The following UBA2 variants were observed in gnomAD, a reference collection of about 807,000 sequenced individuals.
UBA2 encodes the protein SUMO-activating enzyme subunit 2.
UBA2 carries 11 observed loss-of-function variants against 77.2 expected under a neutral mutation model. The ratio of observed to expected loss-of-function variants is 0.14; its 90% CI spans 0.09 to 0.24. UBA2 has a LOEUF of 0.24. Ranked by LOEUF, UBA2 falls within the 10% of genes least tolerant of loss-of-function variation. The pLI, the probability that UBA2 is intolerant of heterozygous loss-of-function variation, is 1.00. For missense variants in UBA2, 487 were observed against 781.7 expected (o/e 0.62, Z 4.50); for synonymous variants, 278 against 276.7 (o/e 1.00, Z -0.05).
Position 34,436,772 on chromosome 19 carries a change from T to A in UBA2, c.459+1804T>A, listed in dbSNP as rs117897631. Among the ~76,000 whole-genome samples, 1,306 of 152,372 alleles carry A rather than the reference T, an allele frequency of 8.6e-3. 10 individuals are homozygous for A. Among genetic ancestry groups the A allele is most frequent in the Middle Eastern group, 0.014 (4 of 294 alleles). ...TTAACATTTGCTGGTTGCGTCTAAT[T>A]TTTTTTGGCAGCTTATTCATGTTAG... On this transcript the variant is annotated intron_variant, in intron 5 of 16. Coordinates refer to ENST00000246548, the MANE Select transcript of UBA2 (RefSeq NM_005499.3).
At chr19:34,428,737 A>T in intron 1 of UBA2, 167 bp downstream of exon 1, 1 of 1,146,778 alleles carries the variant, frequency 8.7e-7, no homozygotes, top group Non-Finnish European at 1.1e-6. Context: ...CCGCGGGAGG[A>T]GACTGTTCTT....
intron 13 of UBA2, among the ~76,000 whole-genome samples, chr19:34,459,358 G>A (rs1423377872): frequency 6.6e-6 from 1 of 152,178 alleles, no homozygotes; most frequent in Non-Finnish European, 1.5e-5. Context: ...GTATTAAAGG[G>A]TATAAGTAAC....
At chr19:34,441,948 A>G (rs2075374778) in intron 6 of UBA2, among the ~76,000 whole-genome samples, 1 of 149,770 alleles carries the variant, frequency 6.7e-6, no homozygotes, top group African/African-American at 2.4e-5. Flanking sequence ...AAAAAAAGAT[A>G]ATGTGGCCAG....
At chr19:34,429,084 A>G in intron 1 of UBA2, 1 of 984,804 alleles carries the variant, frequency 1.0e-6, no homozygotes, top group Non-Finnish European at 1.2e-6. Context: ...CGAGGAGTGC[A>G]AACGCTATTT....
chr19:34,460,240 C>A (rs985478540), intron 13 of UBA2, among the ~76,000 whole-genome samples: 4 of 152,234 alleles, frequency 2.6e-5, no homozygotes, highest in Admixed American at 1.3e-4. Context: ...AGTTCCTAGT[C>A]CCCTGTTGAG....
At chr19:34,445,240 C>T (rs2075415432) in intron 8 of UBA2, 119 bp downstream of exon 8, 1 of 980,992 alleles carries the variant, frequency 1.0e-6, no homozygotes, top group Non-Finnish European at 1.5e-6. Flanking sequence ...ATGTATATGC[C>T]TTGTGATGTC....
Position 34,441,231 on chromosome 19 carries a change from G to A in UBA2, c.581+2465G>A, listed in dbSNP as rs550744635. On this transcript the variant is annotated intron_variant, in intron 6 of 16. Transcript: ENST00000246548. ...AGCACTTTGGGAGGCTGAGGCGAGC[G>A]GATCACGAGGTCAGGAGATCGAGAC... is the stretch of plus-strand genomic sequence containing the variant. Among the ~76,000 whole-genome samples, 13 of 152,174 alleles carry A rather than the reference G, an allele frequency of 8.5e-5. No individual in the cohort carries two copies. In the South Asian group the frequency reaches 2.7e-3, roughly 32 times the overall value.
intron 13 of UBA2, among the ~76,000 whole-genome samples, 183 bp downstream of exon 13, chr19:34,459,107 T>C (rs2075603955): frequency 6.6e-6 from 1 of 152,188 alleles, no homozygotes; most frequent in African/African-American, 2.4e-5. Context: ...AATAAGTGCC[T>C]CACATTCCCA....
intron 1 of UBA2, 129 bp from the exon 2 acceptor site, chr19:34,430,447 G>GCGGTGGCTC (rs2075239770): frequency 1.9e-6 from 1 of 525,854 alleles, no homozygotes; most frequent in African/African-American, 1.9e-5. Flanking sequence ...TTGGTATGGC[G>GCGGTGGCTC]ATTCGAAAAA....
intron 13 of UBA2, among the ~76,000 whole-genome samples, chr19:34,459,156 G>A (rs894621360): frequency 6.6e-6 from 1 of 152,152 alleles, no homozygotes; most frequent in Admixed American, 6.5e-5. Context: ...CTGCAGCACA[G>A]TGGTGGCACA....
rs910917324 is a variant in UBA2 at position 34,433,740 on chromosome 19, A to G, written c.358+328A>G. 6.6e-5 allele frequency among the ~76,000 whole-genome samples: 10 copies of G among 152,304 alleles called. No homozygotes were observed. In the South Asian group the frequency reaches 1.9e-3, roughly 28 times the overall value. ...TTTGAGAGACCAAGGCAGGAGGATC[A>G]CTTGAGGTCAGGAGTTCGAGACCAA... On this transcript the variant is annotated intron_variant, in intron 4 of 16. Coordinates refer to ENST00000246548, the MANE Select transcript of UBA2 (RefSeq NM_005499.3).
At chr19:34,443,141 A>G (rs765038738) in intron 6 of UBA2, among the ~76,000 whole-genome samples, 2 of 152,192 alleles carry the variant, frequency 1.3e-5, no homozygotes, top group African/African-American at 2.4e-5. Flanking sequence ...CTGAATTTCT[A>G]TCCCCTAGAT....
chr19:34,450,942 T>C (rs1006617161), intron 9 of UBA2, among the ~76,000 whole-genome samples: 1 of 151,946 alleles, frequency 6.6e-6, no homozygotes, highest in Non-Finnish European at 1.5e-5. Flanking sequence ...GATTATCTCT[T>C]TAAGATTTAA....
In UBA2 at chr19:34,464,285, T is replaced by C. The variant is rs186101370; in HGVS notation, c.1604+154T>C. ...GAGTTGGTCACTGAGTTCCGTGATG[T>C]TTGACCTACAGAAAAATTTGAGGAT... On this transcript the variant is annotated intron_variant, in intron 15 of 16. Transcript: ENST00000246548. 1.8e-3 allele frequency among the ~76,000 whole-genome samples: 279 copies of C among 152,312 alleles called. 1 individual carries two copies. Among genetic ancestry groups the C allele is most frequent in the Admixed American group, 6.3e-3 (96 of 15,292 alleles).
At chr19:34,444,881 AGAAT>A in intron 7 of UBA2, 115 bp from the exon 8 acceptor site, 1 of 1,005,862 alleles carries the variant, frequency 9.9e-7, no homozygotes, top group Non-Finnish European at 1.5e-6. Context: ...CCTTGAACTC[AGAAT>A]GTGTTGCATT....
At chr19:34,433,518 A>G in intron 4 of UBA2, 106 bp downstream of exon 4, 1 of 799,108 alleles carries the variant, frequency 1.3e-6, no homozygotes, top group Non-Finnish European at 2.0e-6. Flanking sequence ...AGAACTTAAA[A>G]GACTTAAGAG....
chr19:34,454,974 C>A (rs563287332), intron 12 of UBA2, among the ~76,000 whole-genome samples: 2 of 152,216 alleles, frequency 1.3e-5, no homozygotes, highest in African/African-American at 4.8e-5. Flanking sequence ...TGTCTGAGAT[C>A]TTTATGGGTG....
intron 16 of UBA2, among the ~76,000 whole-genome samples, chr19:34,468,810 G>C (rs2075712577): frequency 6.6e-6 from 1 of 152,216 alleles, no homozygotes; most frequent in Non-Finnish European, 1.5e-5. Context: ...TGAGTACTTT[G>C]AGTTACATAA....
intron 14 of UBA2, among the ~76,000 whole-genome samples, chr19:34,463,729 A>G (rs964016512): frequency 2.0e-5 from 3 of 152,118 alleles, no homozygotes; most frequent in East Asian, 3.8e-4. Context: ...TGGCCTCCCA[A>G]AGTGCTGAGA....
Sources: gnomAD v4.1 joint callset for allele counts (sites outside exome capture counted in the v4.1 genomes callset) on GRCh38, gnomAD v4.1.1 for gene constraint, MANE v1.5 for transcripts, NCBI Gene and HGNC (gene_info 2026-07-23, HGNC 2026-07-21) for gene names.